Variants in PLPPR1 observed in about 807,000 individuals in gnomAD.
PLPPR1 encodes the protein phospholipid phosphatase-related protein type 1.
In PLPPR1, 10 loss-of-function variants were observed where a neutral mutation model predicts 33.1. That is an observed-to-expected ratio of 0.30 (90% confidence interval 0.19 to 0.51). The LOEUF is 0.51. Among genes scored for constraint, PLPPR1 ranks in the 20% least tolerant of loss-of-function variants. PLPPR1 has a pLI of 0.97. For missense variants in PLPPR1, 304 were observed against 408.1 expected (o/e 0.74, Z 2.20); for synonymous variants, 151 against 151.0 (o/e 1.00, Z 0.00).
intron 1 of PLPPR1, among the ~76,000 whole-genome samples, chr9:101,169,768 G>A (rs1327338656): frequency 6.6e-6 from 1 of 151,920 alleles, no homozygotes; most frequent in Non-Finnish European, 1.5e-5. Context: ...AAGTCCCAGA[G>A]GTAGAATTCA....
At chr9:101,191,478 G>C (rs1034985812) in intron 2 of PLPPR1, among the ~76,000 whole-genome samples, 4 of 151,292 alleles carry the variant, frequency 2.6e-5, no homozygotes, top group Non-Finnish European at 5.9e-5. Context: ...CTCTCTTCCT[G>C]TTTTCTTCCT....
At chr9:101,045,329 A>AG (rs1447905391) in intron 1 of PLPPR1, among the ~76,000 whole-genome samples, 1 of 152,238 alleles carries the variant, frequency 6.6e-6, no homozygotes, top group Non-Finnish European at 1.5e-5. Context: ...AACTAGGCAC[A>AG]TTCCTGTTCT....
At chr9:101,184,812 A>T (rs147323425) in intron 1 of PLPPR1, among the ~76,000 whole-genome samples, 1 of 152,008 alleles carries the variant, frequency 6.6e-6, no homozygotes, top group Non-Finnish European at 1.5e-5. Context: ...TGAATGTCTT[A>T]TAAGTTAAAT....
At position 101,046,646 on chromosome 9, in the gene PLPPR1, T is replaced by C. The variant is rs1830153461; in HGVS notation, c.-46+17544T>C. Among the ~76,000 whole-genome samples the C allele has an allele frequency of 3.3e-5, 5 of 152,022 alleles. No individual in the cohort carries two copies. In the South Asian group the frequency reaches 1.0e-3, roughly 32 times the overall value. On this transcript the variant is annotated intron_variant, in intron 1 of 7. Coordinates refer to ENST00000374874, the MANE Select transcript of PLPPR1 (RefSeq NM_207299.2). ...TTTAGTAGAGACAAAACTTTCACCA[T>C]GTTAGCCAGGATGGTCTCGATCTCC...
chr9:101,116,807 C>CAAAAAAAA (rs35906894), intron 1 of PLPPR1, among the ~76,000 whole-genome samples: 1 of 118,374 alleles, frequency 8.4e-6, no homozygotes. Flanking sequence ...GACTCCATCT[C>CAAAAAAAA]AAAAAAAAAA....
chr9:101,113,624 G>GA (rs5899430), intron 1 of PLPPR1, among the ~76,000 whole-genome samples: 48,451 of 150,844 alleles, frequency 0.32, 8,055 homozygotes, highest in East Asian at 0.61. Context: ...AGAAAGAACA[G>GA]AAAAAACAAA....
At chr9:101,198,218 A>C (rs1251615267) in intron 2 of PLPPR1, among the ~76,000 whole-genome samples, 1 of 152,126 alleles carries the variant, frequency 6.6e-6, no homozygotes, top group Non-Finnish European at 1.5e-5. Flanking sequence ...ACATCAGTAA[A>C]CAATCTGTGC....
At chr9:101,216,083 T>C (rs1564178406) in intron 2 of PLPPR1, among the ~76,000 whole-genome samples, 2 of 152,210 alleles carry the variant, frequency 1.3e-5, no homozygotes, top group Non-Finnish European at 2.9e-5. Flanking sequence ...TCTGTAGTGG[T>C]TGTACTAATT....
At chr9:101,043,380 C>T (rs113757534) in intron 1 of PLPPR1, among the ~76,000 whole-genome samples, 25 of 149,128 alleles carry the variant, frequency 1.7e-4, no homozygotes, top group African/African-American at 2.5e-4. Context: ...TATGTATATA[C>T]GTATATACAT....
intron 1 of PLPPR1, among the ~76,000 whole-genome samples, chr9:101,182,730 G>T (rs1269419370): frequency 6.6e-6 from 1 of 151,558 alleles, no homozygotes; most frequent in Non-Finnish European, 1.5e-5. Flanking sequence ...AAGACTGGAA[G>T]AAAATATTGA....
At chr9:101,246,807 C>G (rs2118858914) in intron 2 of PLPPR1, among the ~76,000 whole-genome samples, 1 of 152,130 alleles carries the variant, frequency 6.6e-6, no homozygotes, top group East Asian at 1.9e-4. Flanking sequence ...TGGGGACACT[C>G]CTAGGTCTCA....
At chr9:101,097,894 G>A (rs1252129522) in intron 1 of PLPPR1, among the ~76,000 whole-genome samples, 1 of 152,194 alleles carries the variant, frequency 6.6e-6, no homozygotes, top group Admixed American at 6.5e-5. Context: ...AGCTTGGCAT[G>A]TCTGGAGAAC....
intron 2 of PLPPR1, among the ~76,000 whole-genome samples, chr9:101,260,910 ATAGT>A (rs1827886848): frequency 6.6e-6 from 1 of 152,224 alleles, no homozygotes; most frequent in South Asian, 2.1e-4. Context: ...ATGTTTTCAG[ATAGT>A]TAAGAAAGAA....
chr9:101,241,468 A>G (rs765855760), intron 2 of PLPPR1, among the ~76,000 whole-genome samples: 32 of 152,224 alleles, frequency 2.1e-4, no homozygotes, highest in African/African-American at 5.8e-4. Context: ...AAGAAAATCT[A>G]TGAATTTGTG....
chr9:101,288,876 A>G (rs1828442653), intron 4 of PLPPR1, among the ~76,000 whole-genome samples: 1 of 152,190 alleles, frequency 6.6e-6, no homozygotes. Context: ...CATTCACCCC[A>G]GCCCCACAAA....
intron 4 of PLPPR1, among the ~76,000 whole-genome samples, chr9:101,293,612 C>T (rs931961896): frequency 1.3e-5 from 2 of 152,074 alleles, no homozygotes; most frequent in Non-Finnish European, 2.9e-5. Context: ...TCTCTCAGAC[C>T]ACAGTGCAAT....
intron 1 of PLPPR1, among the ~76,000 whole-genome samples, chr9:101,135,250 A>G (rs2987752): frequency 0.31 from 47,136 of 152,104 alleles, 8,316 homozygotes; most frequent in Non-Finnish European, 0.4. Context: ...AGCAAAGGTT[A>G]ATTCATAGGC....
Position 101,172,207 on chromosome 9 carries a change from C to T in PLPPR1, c.-45-13243C>T, listed in dbSNP as rs571026114. ...CTGGGCCATGGGTCGTGCTGTCACA[C>T]ATATTTGCTTCCAGGAGGCCCCAAC... On this transcript the variant is annotated intron_variant, in intron 1 of 7. Transcript: ENST00000374874. Among the ~76,000 whole-genome samples, 3 of 152,172 alleles carry T rather than the reference C, an allele frequency of 2.0e-5. No homozygotes were observed. In the South Asian group the frequency reaches 6.2e-4, roughly 32 times the overall value.
chr9:101,115,404 A>G (rs1831106209), intron 1 of PLPPR1, among the ~76,000 whole-genome samples: 1 of 152,216 alleles, frequency 6.6e-6, no homozygotes. Flanking sequence ...GGGTGCCTAA[A>G]TGGGCAAACA....
Sources: allele counts gnomAD v4.1 joint callset (sites outside exome capture counted in the v4.1 genomes callset), GRCh38; gene constraint gnomAD v4.1.1; transcripts MANE v1.5; gene names NCBI Gene and HGNC (gene_info 2026-07-23, HGNC 2026-07-21).